Variants in PDE10A observed in about 807,000 individuals in gnomAD.
PDE10A encodes the protein cAMP and cAMP-inhibited cGMP 3',5'-cyclic phosphodiesterase 10A.
In PDE10A, 39 loss-of-function variants were observed where a neutral mutation model predicts 97.7. The observed-to-expected ratio is 0.40, with a 90% CI of 0.31 to 0.52. PDE10A has a LOEUF of 0.52. PDE10A is among the 20% of genes least tolerant of loss of function. The pLI, the probability that PDE10A is intolerant of heterozygous loss-of-function variation, is 0.56. For synonymous variants in PDE10A, 371 were observed against 376.8 expected, an observed-to-expected ratio of 0.98 and a Z score of 0.18; for missense variants, 731 against 1,047.8, an observed-to-expected ratio of 0.70 and a Z score of 4.17.
intron 1 of PDE10A, among the ~76,000 whole-genome samples, chr6:165,604,566 A>G (rs1345832623): frequency 6.6e-6 from 1 of 152,088 alleles, no homozygotes; most frequent in Non-Finnish European, 1.5e-5. Flanking sequence ...GCATGCAGAG[A>G]TAGCTACACA....
At chr6:165,632,225 T>TA (rs1194244062) in intron 1 of PDE10A, among the ~76,000 whole-genome samples, 5 of 105,130 alleles carry the variant, frequency 4.8e-5, no homozygotes, top group Non-Finnish European at 8.3e-5. Context: ...AAAAAAAAGA[T>TA]ACTGAGTCTG....
At chr6:165,484,449 T>G (rs977811350) in intron 2 of PDE10A, among the ~76,000 whole-genome samples, 3 of 152,206 alleles carry the variant, frequency 2.0e-5, no homozygotes, top group East Asian at 3.8e-4. Context: ...TGGCATTAGA[T>G]TCTCATAGAG....
intron 1 of PDE10A, among the ~76,000 whole-genome samples, chr6:165,977,321 A>G (rs1784880726): frequency 6.6e-6 from 1 of 152,210 alleles, no homozygotes; most frequent in Non-Finnish European, 1.5e-5. Flanking sequence ...TCAATCTGGT[A>G]AGCTTTTCTC....
At chr6:165,808,427 G>A (rs368563780) in intron 1 of PDE10A, among the ~76,000 whole-genome samples, 6 of 152,202 alleles carry the variant, frequency 3.9e-5, no homozygotes, top group African/African-American at 9.7e-5. Flanking sequence ...GCCAGGGAGC[G>A]TGGTGACCTG....
At chr6:165,829,037 G>A (rs57569667) in intron 1 of PDE10A, among the ~76,000 whole-genome samples, 11,405 of 152,270 alleles carry the variant, frequency 0.075, 708 homozygotes, top group African/African-American at 0.17. Flanking sequence ...GGGTCACCCT[G>A]CAGATGAAGT....
chr6:165,776,414 C>T (rs1045962280), intron 1 of PDE10A, among the ~76,000 whole-genome samples: 2 of 152,106 alleles, frequency 1.3e-5, no homozygotes, highest in Admixed American at 6.5e-5. Context: ...TTGCTTATTT[C>T]GATTAAATCA....
chr6:165,434,043 T>A (rs562430), intron 6 of PDE10A, among the ~76,000 whole-genome samples: 77,776 of 123,454 alleles, frequency 0.63, 25,253 homozygotes, highest in African/African-American at 0.74. Flanking sequence ...AAAAAAGAAG[T>A]AGTACAGGGA....
At chr6:165,440,484 G>A (rs1263720112) in intron 5 of PDE10A, among the ~76,000 whole-genome samples, 1 of 152,280 alleles carries the variant, frequency 6.6e-6, no homozygotes, top group South Asian at 2.1e-4. Context: ...CTTAAAAGAC[G>A]TGTTGTATTA....
chr6:165,513,539 T>A (rs1484097193), intron 2 of PDE10A, among the ~76,000 whole-genome samples: 1 of 152,178 alleles, frequency 6.6e-6, no homozygotes, highest in African/African-American at 2.4e-5. Flanking sequence ...CATTTCCATA[T>A]GCATTTTAAA....
At chr6:165,647,146 G>C (rs1395015594) in intron 1 of PDE10A, among the ~76,000 whole-genome samples, 2 of 152,194 alleles carry the variant, frequency 1.3e-5, no homozygotes, top group Admixed American at 1.3e-4. Flanking sequence ...TCCACACACA[G>C]AGTTAAGAAT....
intron 1 of PDE10A, among the ~76,000 whole-genome samples, chr6:165,756,752 C>T (rs913211277): frequency 1.3e-5 from 2 of 152,016 alleles, no homozygotes; most frequent in Non-Finnish European, 2.9e-5. Flanking sequence ...AACTGTCCTC[C>T]ATCAGCAATG....
intron 14 of PDE10A, 141 bp downstream of exon 14, chr6:165,396,176 G>T: frequency 1.4e-6 from 1 of 729,146 alleles, no homozygotes; most frequent in South Asian, 2.4e-5. Flanking sequence ...AATCACTTCA[G>T]AAGCAGACAA....
intron 11 of PDE10A, among the ~76,000 whole-genome samples, chr6:165,417,233 C>G (rs1420117106): frequency 6.6e-6 from 1 of 152,186 alleles, no homozygotes; most frequent in Non-Finnish European, 1.5e-5. Context: ...TTGTCTTTTT[C>G]CTGGTTTTCT....
chr6:165,917,739 A>G (rs6937675), intron 1 of PDE10A, among the ~76,000 whole-genome samples: 55,342 of 152,154 alleles, frequency 0.36, 11,069 homozygotes, highest in African/African-American at 0.53. Flanking sequence ...ACCCCAGGCC[A>G]GGCTTTCCCC....
chr6:165,522,874 C>G (rs1203453522), intron 2 of PDE10A, among the ~76,000 whole-genome samples: 1 of 151,966 alleles, frequency 6.6e-6, no homozygotes, highest in Non-Finnish European at 1.5e-5. Context: ...GTAGAAAACC[C>G]TAAACAATCT....
intron 18 of PDE10A, among the ~76,000 whole-genome samples, chr6:165,370,797 C>T (rs1349713965): frequency 3.3e-5 from 5 of 150,208 alleles, no homozygotes; most frequent in Non-Finnish European, 7.4e-5. Flanking sequence ...CACGACACCA[C>T]ACCTATTCCA....
intron 1 of PDE10A, among the ~76,000 whole-genome samples, chr6:165,720,710 T>C (rs1224083505): frequency 2.0e-5 from 3 of 152,198 alleles, no homozygotes; most frequent in Non-Finnish European, 4.4e-5. Context: ...GAGAGAAGGC[T>C]GGCCAGGCGT....
At chr6:165,758,605 AGAAGAAGCAGCAGAAGAAGAG>A (rs1420376681) in intron 1 of PDE10A, among the ~76,000 whole-genome samples, 1 of 151,676 alleles carries the variant, frequency 6.6e-6, no homozygotes, top group Non-Finnish European at 1.5e-5. Flanking sequence ...AGGCAGCAGC[AGAAGAAGCAGCAGAAGAAGAG>A]GAAGAAGAAG....
At chr6:165,715,162 A>G (rs758121841) in intron 1 of PDE10A, among the ~76,000 whole-genome samples, 1 of 152,108 alleles carries the variant, frequency 6.6e-6, no homozygotes, top group South Asian at 2.1e-4. Flanking sequence ...CGCTGCTTAC[A>G]CTCATGCGGG....
Sources: gnomAD v4.1 joint callset for allele counts (sites outside exome capture counted in the v4.1 genomes callset) on GRCh38, gnomAD v4.1.1 for gene constraint, MANE v1.5 for transcripts, NCBI Gene and HGNC (gene_info 2026-07-23, HGNC 2026-07-21) for gene names.